The following SEC24B variants were observed in gnomAD, a reference collection of about 807,000 sequenced individuals.
SEC24B encodes protein transport protein Sec24B.
A neutral mutation model predicts 142.8 loss-of-function variants in SEC24B; 45 were observed. The ratio of observed to expected loss-of-function variants is 0.32; its 90% confidence interval spans 0.25 to 0.40. The LOEUF (loss-of-function observed/expected upper bound fraction) is 0.40, where lower values mean the gene tolerates loss of function less well. Ranked by LOEUF, SEC24B falls within the 10% of genes least tolerant of loss-of-function variation. The pLI is 1.00. For synonymous variants in SEC24B, 574 were observed against 568.2 expected (o/e 1.01, Z -0.15); for missense variants, 1,409 against 1,526.8 (o/e 0.92, Z 1.29).
At chr4:109,518,258 A>G (rs149219809) in intron 11 of SEC24B, among the ~76,000 whole-genome samples, 1 of 152,290 alleles carries the variant, frequency 6.6e-6, no homozygotes, top group East Asian at 1.9e-4. Context: ...ATTAGTCATG[A>G]AGGAGCCCCT....
chr4:109,535,156 G>A (rs754449413), intron 22 of SEC24B, among the ~76,000 whole-genome samples: 10 of 152,096 alleles, frequency 6.6e-5, no homozygotes, highest in Non-Finnish European at 1.5e-4. Flanking sequence ...AGTTCTCTTG[G>A]GCATATTCCT....
chr4:109,472,465 G>A lies in SEC24B; in HGVS notation c.878-539G>A, dbSNP rs1295054460. 2.0e-5 allele frequency among the ~76,000 whole-genome samples: 3 copies of A among 152,264 alleles called. No homozygotes were observed. In the East Asian group the frequency reaches 5.8e-4, roughly 29 times the overall value. On this transcript the variant is annotated intron_variant, in intron 2 of 23. Transcript: ENST00000265175. ...GTTAGGCTCTTACTTAGTTACATGT[G>A]AAATAAGGCATCTGGTTAGAAACAG... is the stretch of plus-strand genomic sequence containing the variant.
chr4:109,468,280 A>T (rs1732169960), intron 2 of SEC24B, among the ~76,000 whole-genome samples: 1 of 152,184 alleles, frequency 6.6e-6, no homozygotes, highest in Admixed American at 6.5e-5. Context: ...TTTTCTAAAG[A>T]TACTCTTGAA....
In SEC24B at chr4:109,539,563, A is replaced by G; in HGVS notation, c.3695A>G (p.Asp1232Gly). ...PLSPILHIVK[D>G]ESPAKAEFFQ... is the part of the protein sequence containing the mutation. ...AAATGCCCTTTTCTTTCTTCCAGAG[A>G]TGAGAGTCCTGCCAAAGCAGAATTT... Residue 1232 changes from aspartate (D) to glycine (G), a missense_variant and splice_region_variant, in exon 24 of 24, where the codon GAT becomes GGT. By Grantham distance (94) the Asp-to-Gly change is moderately conservative (BLOSUM62 -1). Transcript: ENST00000265175. The G allele has an allele frequency of 6.2e-7, 1 of 1,602,822 alleles. No individual in the cohort carries two copies. Among genetic ancestry groups the G allele is most frequent in the Non-Finnish European group, 8.5e-7 (1 of 1,169,956 alleles).
intron 1 of SEC24B, among the ~76,000 whole-genome samples, chr4:109,451,315 T>G (rs1730059408): frequency 6.6e-6 from 1 of 151,858 alleles, no homozygotes; most frequent in African/African-American, 2.4e-5. Flanking sequence ...CCTTCTGGGC[T>G]CAAGCGATCC....
At chr4:109,507,629 C>G (rs1304719532) in intron 7 of SEC24B, among the ~76,000 whole-genome samples, 1 of 151,736 alleles carries the variant, frequency 6.6e-6, no homozygotes, top group Non-Finnish European at 1.5e-5. Flanking sequence ...GCCAATATTT[C>G]CTCTTTCTTT....
intron 18 of SEC24B, among the ~76,000 whole-genome samples, 200 bp downstream of exon 18, chr4:109,527,632 C>T (rs1359146085): frequency 1.3e-5 from 2 of 151,614 alleles, no homozygotes; most frequent in Admixed American, 6.6e-5. Flanking sequence ...AATAGCCGAG[C>T]GTGGTGGCAG....
At chr4:109,461,851 A>G (rs1363259839) in intron 1 of SEC24B, among the ~76,000 whole-genome samples, 1 of 152,204 alleles carries the variant, frequency 6.6e-6, no homozygotes, top group East Asian at 1.9e-4. Context: ...GCTCATGCCT[A>G]TAATCCCAGC....
At chr4:109,457,023 A>G (rs1055785380) in intron 1 of SEC24B, among the ~76,000 whole-genome samples, 1 of 152,246 alleles carries the variant, frequency 6.6e-6, no homozygotes, top group African/African-American at 2.4e-5. Flanking sequence ...CATTGCAGCC[A>G]TCATTGCTTT....
chr4:109,479,220 T>A (rs927435468), intron 3 of SEC24B, among the ~76,000 whole-genome samples: 1 of 152,168 alleles, frequency 6.6e-6, no homozygotes, highest in African/African-American at 2.4e-5. Context: ...ATAAAGTGTT[T>A]CATGTTTCTT....
intron 6 of SEC24B, among the ~76,000 whole-genome samples, chr4:109,495,393 G>T (rs1206525050): frequency 2.0e-5 from 3 of 152,130 alleles, no homozygotes; most frequent in African/African-American, 7.2e-5. Flanking sequence ...TAAACCGGTG[G>T]TTCGTCATCT....
intron 3 of SEC24B, among the ~76,000 whole-genome samples, 174 bp from the exon 4 acceptor site, chr4:109,481,503 G>A (rs1038027653): frequency 1.3e-5 from 2 of 152,178 alleles, no homozygotes; most frequent in African/African-American, 4.8e-5. Context: ...AAACTGCTTT[G>A]CAGAGATTTT....
Position 109,481,845 on chromosome 4 carries a change from A to C in SEC24B, c.1165+64A>C, listed in dbSNP as rs1433819133. ...GCTCAAGTTTTCTTTTTGTTTCCAC[A>C]GTCTTACTTAGCCTTTTAAAAAAGA... On this transcript the variant is annotated intron_variant, in intron 4 of 23. Coordinates refer to ENST00000265175, the MANE Select transcript of SEC24B (RefSeq NM_006323.5). 6 of 1,197,140 alleles carry C rather than the reference A, an allele frequency of 5.0e-6. No homozygotes were observed. In the African/African-American group the frequency reaches 7.6e-5, roughly 15 times the overall value. The allele number at this position is 1,197,140 out of a possible 1,614,324, so 74.2% of individuals were successfully genotyped here.
chr4:109,523,375 C>T (rs1357341971), intron 14 of SEC24B, among the ~76,000 whole-genome samples: 3 of 151,990 alleles, frequency 2.0e-5, no homozygotes, highest in Non-Finnish European at 2.9e-5. Flanking sequence ...ATGGCTGAGG[C>T]AGGAGAATCA....
chr4:109,475,810 T>C (rs1733053658), intron 3 of SEC24B, among the ~76,000 whole-genome samples: 1 of 152,166 alleles, frequency 6.6e-6, no homozygotes, highest in African/African-American at 2.4e-5. Context: ...CTTTCCTTAA[T>C]GTAATAATAA....
intron 6 of SEC24B, among the ~76,000 whole-genome samples, chr4:109,501,268 A>G (rs1736113253): frequency 6.6e-6 from 1 of 152,244 alleles, no homozygotes; most frequent in Non-Finnish European, 1.5e-5. Context: ...GCAATAGGCT[A>G]TATCATATAG....
chr4:109,527,163 G>A (rs539901576), intron 17 of SEC24B, among the ~76,000 whole-genome samples, 159 bp from the exon 18 acceptor site: 24 of 150,408 alleles, frequency 1.6e-4, no homozygotes, highest in African/African-American at 5.6e-4. Flanking sequence ...AAGTTGCAGT[G>A]AGCTGTGATC....
intron 1 of SEC24B, among the ~76,000 whole-genome samples, chr4:109,457,964 GA>G (rs1224355466): frequency 1.3e-5 from 2 of 152,138 alleles, no homozygotes; most frequent in African/African-American, 4.8e-5. Flanking sequence ...GGATTGGGGG[GA>G]TTAGGATGTG....
intron 5 of SEC24B, among the ~76,000 whole-genome samples, chr4:109,491,808 G>GGTAATAGATGCTAC (rs1319174597): frequency 6.6e-6 from 1 of 152,094 alleles, no homozygotes; most frequent in Non-Finnish European, 1.5e-5. Flanking sequence ...GCTTCTGGCT[G>GGTAATAGATGCTAC]CTTCTAGTAG....
Sources: gnomAD v4.1 joint callset for allele counts (sites outside exome capture counted in the v4.1 genomes callset) on GRCh38, gnomAD v4.1.1 for gene constraint, MANE v1.5 for transcripts, NCBI Gene and HGNC (gene_info 2026-07-23, HGNC 2026-07-21) for gene names.